CWF19L2: variants seen among roughly 807,000 people sequenced by gnomAD.
The protein encoded by CWF19L2 is CWF19 like cell cycle control factor 2, also known as CWF19-like protein 2.
A neutral mutation model predicts 111.7 loss-of-function variants in CWF19L2; 98 were observed. The observed-to-expected ratio is 0.88, with a 90% CI of 0.75 to 1.04. The LOEUF (loss-of-function observed/expected upper bound fraction) is 1.04, where lower values mean the gene tolerates loss of function less well. Among genes scored for constraint, CWF19L2 ranks in the 50% least tolerant of loss-of-function variants. The pLI is 0.00. For synonymous variants in CWF19L2, 351 were observed against 342.9 expected (o/e 1.02, Z -0.26); for missense variants, 1,101 against 1,051.4 (o/e 1.05, Z -0.65).
At chr11:107,417,068 A>C (rs867062669) in intron 9 of CWF19L2, among the ~76,000 whole-genome samples, 16 of 152,220 alleles carry the variant, frequency 1.1e-4, no homozygotes, top group African/African-American at 3.4e-4. Context: ...TATGCCCTTT[A>C]TTAGACATAA....
rs933137697 is a variant in CWF19L2 at position 107,373,475 on chromosome 11, G to A, written c.1872+16599C>T. ...TGGGTCCCTGACCCCTGACCCCCGA[G>A]CAGCCTAACTGGGAGGCACCCCCCA... On this transcript the variant is annotated intron_variant, in intron 12 of 17. Transcript: ENST00000282251. 2.5e-5 allele frequency among the ~76,000 whole-genome samples: 3 copies of A among 117,984 alleles called. 1 individual carries two copies. The highest frequency in any genetic ancestry group is 7.9e-5 in the Admixed American group (1 of 12,658). The allele number at this position is 117,984 out of a possible 152,430, so 77.4% of individuals were successfully genotyped here. A position where few individuals can be genotyped will look rare whatever the true frequency, so the allele number is the denominator to read the frequency against.
intron 14 of CWF19L2, among the ~76,000 whole-genome samples, chr11:107,338,472 G>A (rs996837366): frequency 2.0e-5 from 3 of 151,916 alleles, no homozygotes; most frequent in African/African-American, 7.3e-5. Context: ...ATAGGTAAAC[G>A]TGTGCCATGG....
chr11:107,442,811 GGAGGGAGGGGGA>G (rs1861647094), intron 4 of CWF19L2, 116 bp downstream of exon 4: 10 of 435,364 alleles, frequency 2.3e-5, no homozygotes, highest in East Asian at 1.1e-4. Flanking sequence ...AGGGAGGGAG[GGAGGGAGGGGGA>G]GGGAGGGAGA....
intron 13 of CWF19L2, 25 bp from the exon 14 acceptor site, chr11:107,349,078 G>A (rs368434567): frequency 8.2e-7 from 1 of 1,226,776 alleles, no homozygotes; most frequent in Non-Finnish European, 1.2e-6. Context: ...TACAAAAGGT[G>A]AAATGTTATT....
intron 10 of CWF19L2, among the ~76,000 whole-genome samples, chr11:107,403,038 T>C (rs899482559): frequency 1.3e-5 from 2 of 151,370 alleles, no homozygotes; most frequent in African/African-American, 2.4e-5. Flanking sequence ...CACTGATATG[T>C]AGGAGCTAAG....
intron 8 of CWF19L2, among the ~76,000 whole-genome samples, chr11:107,423,073 T>G (rs1861323943): frequency 1.3e-5 from 2 of 152,020 alleles, no homozygotes; most frequent in Admixed American, 1.3e-4. Flanking sequence ...GAGAATGTTA[T>G]TACTTTTTAT....
intron 3 of CWF19L2, among the ~76,000 whole-genome samples, chr11:107,448,839 C>T (rs997954311): frequency 4.6e-5 from 7 of 152,118 alleles, no homozygotes; most frequent in African/African-American, 1.4e-4. Flanking sequence ...ACCAGCGCCT[C>T]GATCTTAGAC....
intron 10 of CWF19L2, among the ~76,000 whole-genome samples, chr11:107,401,302 T>C: frequency 6.6e-6 from 1 of 152,052 alleles, no homozygotes; most frequent in East Asian, 1.9e-4. Flanking sequence ...GATATGATTG[T>C]TTACCTTGAA....
chr11:107,359,378 T>C (rs1482500387), intron 12 of CWF19L2, among the ~76,000 whole-genome samples: 6 of 152,194 alleles, frequency 3.9e-5, no homozygotes, highest in African/African-American at 1.4e-4. Flanking sequence ...CTTTTGAAGA[T>C]GTAATTACAA....
chr11:107,429,806 CAAA>C lies in CWF19L2; in HGVS notation c.781-358_781-356del, dbSNP rs33980353. Among the ~76,000 whole-genome samples the C allele has an allele frequency of 7.5e-3, 790 of 105,646 alleles. 6 individuals are homozygous for C. The highest frequency in any genetic ancestry group is 0.024 in the African/African-American group (710 of 29,046). 69.3% of individuals were successfully genotyped at this position (105,646 alleles called of 152,430 possible). On this transcript the variant is annotated intron_variant, in intron 7 of 17. Coordinates refer to ENST00000282251, the MANE Select transcript of CWF19L2 (RefSeq NM_152434.3). Reference sequence around the variant, plus strand: ...TTAAATTGCTAAAACAGATTCTCACCAAAAAAAAAAAAAAAAACAGAATAGTTC... The same window carrying C: ...TTAAATTGCTAAAACAGATTCTCACCAAAAAAAAAAAAAACAGAATAGTTC...
intron 12 of CWF19L2, among the ~76,000 whole-genome samples, chr11:107,362,442 C>G (rs534246): frequency 0.36 from 55,118 of 151,518 alleles, 11,724 homozygotes; most frequent in African/African-American, 0.58. Context: ...GCTTTGAAGA[C>G]AGCAGTGGTT....
At chr11:107,335,738 T>C (rs1859913061) in intron 15 of CWF19L2, among the ~76,000 whole-genome samples, 1 of 152,142 alleles carries the variant, frequency 6.6e-6, no homozygotes, top group Non-Finnish European at 1.5e-5. Context: ...GTGATAAATA[T>C]AAAATAACCT....
chr11:107,442,797 AGGGAGGGAGGGAG>A (rs1861645607), intron 4 of CWF19L2, 129 bp downstream of exon 4: 1 of 220,542 alleles, frequency 4.5e-6, no homozygotes, highest in African/African-American at 1.1e-4. Context: ...GAAGGAAGGG[AGGGAGGGAGGGAG>A]GGAGGGAGGG....
intron 6 of CWF19L2, among the ~76,000 whole-genome samples, chr11:107,436,325 A>G (rs1049758514): frequency 2.0e-5 from 3 of 152,204 alleles, no homozygotes; most frequent in East Asian, 1.9e-4. Context: ...TCTGTTATTT[A>G]TAAGTAAAAA....
At chr11:107,445,472 C>T (rs185629167) in intron 3 of CWF19L2, among the ~76,000 whole-genome samples, 454 of 152,112 alleles carry the variant, frequency 3.0e-3, no homozygotes, top group Middle Eastern at 6.8e-3. Context: ...GATGTGGTGG[C>T]GCATGCCTGT....
At chr11:107,404,778 A>T (rs504325) in intron 10 of CWF19L2, among the ~76,000 whole-genome samples, 62,613 of 152,002 alleles carry the variant, frequency 0.41, 13,008 homozygotes, top group Middle Eastern at 0.48. Context: ...AATGAAATGA[A>T]CAAGCTGGTG....
intron 6 of CWF19L2, among the ~76,000 whole-genome samples, chr11:107,436,111 A>G (rs982655511): frequency 1.3e-5 from 2 of 148,844 alleles, no homozygotes; most frequent in East Asian, 4.0e-4. Context: ...CCGAGATTGC[A>G]CCACTGCACT....
At chr11:107,351,640 A>T (rs1860157326) in intron 13 of CWF19L2, among the ~76,000 whole-genome samples, 1 of 152,202 alleles carries the variant, frequency 6.6e-6, no homozygotes, top group Admixed American at 6.5e-5. Flanking sequence ...TCTATAGTAG[A>T]TTGCATAAAG....
intron 1 of CWF19L2, among the ~76,000 whole-genome samples, 197 bp from the exon 2 acceptor site, chr11:107,455,973 T>C (rs939975334): frequency 1.1e-4 from 16 of 152,108 alleles, no homozygotes; most frequent in Non-Finnish European, 2.2e-4. Context: ...AGCAAAAATC[T>C]CTCCTTCTGC....
Sources: gnomAD v4.1 joint callset for allele counts (sites outside exome capture counted in the v4.1 genomes callset) on GRCh38, gnomAD v4.1.1 for gene constraint, MANE v1.5 for transcripts, NCBI Gene and HGNC (gene_info 2026-07-23, HGNC 2026-07-21) for gene names.